The following NSMCE1 variants were observed in gnomAD, a reference collection of about 807,000 sequenced individuals.
NSMCE1 encodes the protein NSE1 component of SMC5/6 complex.
A neutral mutation model predicts 29.6 loss-of-function variants in NSMCE1; 18 were observed. The observed-to-expected ratio is 0.61, with a 90% CI of 0.42 to 0.90. The LOEUF (loss-of-function observed/expected upper bound fraction) is 0.90. Among genes scored for constraint, NSMCE1 ranks in the 40% least tolerant of loss-of-function variants. NSMCE1 has a pLI of 0.00. For synonymous variants in NSMCE1, 124 were observed against 133.4 expected (o/e 0.93, Z 0.49); for missense variants, 314 against 343.6 (o/e 0.91, Z 0.68).
intron 5 of NSMCE1, among the ~76,000 whole-genome samples, chr16:27,230,204 T>C (rs1181897525): frequency 1.3e-5 from 2 of 152,198 alleles, no homozygotes; most frequent in Non-Finnish European, 2.9e-5. Flanking sequence ...GACGGACAGC[T>C]GCCTCAGCAC....
chr16:27,261,166 C>CAAAAAAAAAAAA (rs11420728), intron 1 of NSMCE1, among the ~76,000 whole-genome samples: 1 of 98,104 alleles, frequency 1.0e-5, no homozygotes. Context: ...GACTCCGTCT[C>CAAAAAAAAAAAA]AAAAAAAAAA....
chr16:27,257,962 G>A (rs2084106286), intron 1 of NSMCE1: 1 of 157,106 alleles, frequency 6.4e-6, no homozygotes, highest in South Asian at 2.0e-4. Flanking sequence ...TGGTAACACA[G>A]TAAGCACTAA....
rs148716863 is a variant in NSMCE1 at position 27,232,199 on chromosome 16, G to A, written c.483+802C>T. Among the ~76,000 whole-genome samples the A allele has an allele frequency of 2.6e-3, 397 of 152,340 alleles. 1 individual carries two copies. The highest frequency in any genetic ancestry group is 6.4e-3 in the African/African-American group (266 of 41,564). On this transcript the variant is annotated intron_variant, in intron 5 of 7. Transcript: ENST00000361439. The surrounding 1 kb of genome is among the most constrained non-coding windows in gnomAD (Gnocchi z 4.5). ...CCACCAAGTGAGGAAGCGGGGACCC[G>A]GCGTGAGTGCGTCCTCAACACACAT...
At chr16:27,253,862 C>T (rs2084059013) in intron 2 of NSMCE1, among the ~76,000 whole-genome samples, 1 of 152,180 alleles carries the variant, frequency 6.6e-6, no homozygotes, top group African/African-American at 2.4e-5. Flanking sequence ...CCGAAAGGCT[C>T]GACCCAAGGC....
chr16:27,265,281 C>T (rs1180248377), intron 1 of NSMCE1, among the ~76,000 whole-genome samples: 1 of 146,936 alleles, frequency 6.8e-6, no homozygotes, highest in Non-Finnish European at 1.5e-5. Context: ...GATCCTCTGA[C>T]CTCAGAACCC....
At chr16:27,244,441 G>A (rs1025138608) in intron 2 of NSMCE1, among the ~76,000 whole-genome samples, 3 of 152,174 alleles carry the variant, frequency 2.0e-5, no homozygotes, top group African/African-American at 7.2e-5. Flanking sequence ...ATGCAGCTGA[G>A]TGGAGCCAGG....
chr16:27,255,727 T>C (rs950394691), intron 2 of NSMCE1, among the ~76,000 whole-genome samples: 1 of 152,204 alleles, frequency 6.6e-6, no homozygotes, highest in Non-Finnish European at 1.5e-5. Flanking sequence ...TGAAAGAATA[T>C]TCGTTTCTGT....
At chr16:27,242,990 C>T (rs969817506) in intron 2 of NSMCE1, among the ~76,000 whole-genome samples, 3 of 152,174 alleles carry the variant, frequency 2.0e-5, no homozygotes, top group Non-Finnish European at 4.4e-5. Flanking sequence ...ACTGAGCGAA[C>T]TGAAAATGGA....
At chr16:27,236,495 C>G (rs1224897571) in intron 2 of NSMCE1, among the ~76,000 whole-genome samples, 3 of 151,942 alleles carry the variant, frequency 2.0e-5, no homozygotes, top group African/African-American at 7.3e-5. Flanking sequence ...TGGGGTTTTA[C>G]CATGTTGGCC....
intron 5 of NSMCE1, among the ~76,000 whole-genome samples, chr16:27,230,299 G>A (rs947101830): frequency 2.6e-5 from 4 of 152,194 alleles, no homozygotes; most frequent in African/African-American, 9.7e-5. Context: ...GAAGGGCCTT[G>A]TCAGTGGGCC....
intron 2 of NSMCE1, chr16:27,242,014 T>C: frequency 3.1e-6 from 1 of 327,266 alleles, no homozygotes; most frequent in South Asian, 2.4e-5. Context: ...CATGCAATGA[T>C]GTTGAGAATA....
At chr16:27,227,769 GTTTCTTTTCT>G (rs201079706) in intron 5 of NSMCE1, among the ~76,000 whole-genome samples, 1 of 131,038 alleles carries the variant, frequency 7.6e-6, no homozygotes, top group African/African-American at 2.6e-5. Context: ...TGTCACTCCC[GTTTCTTTTCT>G]TTTCTTTTTT....
intron 7 of NSMCE1, 72 bp downstream of exon 7, chr16:27,225,654 G>A (rs2083681194): frequency 2.1e-5 from 33 of 1,591,242 alleles, no homozygotes; most frequent in Non-Finnish European, 2.8e-5. Flanking sequence ...CTGTCTCCAA[G>A]GGCTTCCCTG....
intron 2 of NSMCE1, among the ~76,000 whole-genome samples, chr16:27,254,978 C>T (rs1306038469): frequency 7.2e-6 from 1 of 138,050 alleles, no homozygotes; most frequent in Non-Finnish European, 1.5e-5. Flanking sequence ...CTCCCAGGTT[C>T]AAGCAATTAT....
intron 2 of NSMCE1, among the ~76,000 whole-genome samples, chr16:27,247,439 T>A (rs1197943577): frequency 1.3e-5 from 2 of 152,172 alleles, no homozygotes; most frequent in African/African-American, 4.8e-5. Context: ...CTTCTTCCCT[T>A]TATAAATTAC....
At chr16:27,225,654 G>T in intron 7 of NSMCE1, 72 bp downstream of exon 7, 1 of 1,591,356 alleles carries the variant, frequency 6.3e-7, no homozygotes. Flanking sequence ...CTGTCTCCAA[G>T]GGCTTCCCTG....
intron 2 of NSMCE1, among the ~76,000 whole-genome samples, chr16:27,251,871 C>A (rs375586739): frequency 4.7e-4 from 71 of 152,292 alleles, no homozygotes; most frequent in Admixed American, 1.4e-3. Flanking sequence ...TCTCTGTGCA[C>A]CTCTGGTCCA....
rs199725386 is a variant in NSMCE1 at position 27,225,835 on chromosome 16, G to A, written c.612C>T (p.Cys204=). 8.2e-5 allele frequency: 133 copies of A among 1,613,944 alleles called. No homozygotes were observed. Among genetic ancestry groups the A allele is most frequent in the Admixed American group, 6.7e-5 (4 of 60,002 alleles). The change falls in exon 7 of 8, where the codon TGC becomes TGT. Residue 204 remains cysteine (C), a synonymous_variant. Coordinates refer to ENST00000361439, the MANE Select transcript of NSMCE1 (RefSeq NM_145080.4). Reference sequence around the variant, plus strand: ...AGTGCATCCTGATCCCACAGGTTTCGCAGCTTTGACCCTGAAACAGGAAAG... The same window carrying A: ...AGTGCATCCTGATCCCACAGGTTTCACAGCTTTGACCCTGAAACAGGAAAG... The part of the protein sequence containing the change: ...CHSLLIQGQS[C]ETCGIRMHLP...
At chr16:27,266,773 AAT>A (rs1263419691) in intron 1 of NSMCE1, among the ~76,000 whole-genome samples, 1 of 152,190 alleles carries the variant, frequency 6.6e-6, no homozygotes, top group African/African-American at 2.4e-5. Context: ...GCATGATTTC[AAT>A]ATATTTTCCC....
Sources: gnomAD v4.1 joint callset for allele counts (sites outside exome capture counted in the v4.1 genomes callset) on GRCh38, gnomAD v4.1.1 for gene constraint, Gnocchi (gnomAD v3.1) non-coding constraint, MANE v1.5 for transcripts, NCBI Gene and HGNC (gene_info 2026-07-23, HGNC 2026-07-21) for gene names.